POLR3D: variants seen among roughly 807,000 people sequenced by gnomAD.
POLR3D encodes DNA-directed RNA polymerase III subunit RPC4.
In POLR3D, 42 loss-of-function variants were observed where a neutral mutation model predicts 44.5. The ratio of observed to expected loss-of-function variants is 0.94; its 90% CI spans 0.74 to 1.22. POLR3D has a LOEUF of 1.22. Ranked by LOEUF, POLR3D falls within the 50% of genes most tolerant of loss-of-function variation. The pLI is 0.00. For missense variants in POLR3D, 507 were observed against 505.2 expected, an observed-to-expected ratio of 1.00 and a Z score of -0.03; for synonymous variants, 217 against 198.1, an observed-to-expected ratio of 1.10 and a Z score of -0.80.
At chr8:22,248,926 C>A in intron 6 of POLR3D, 118 bp from the exon 7 acceptor site, 1 of 1,165,364 alleles carries the variant, frequency 8.6e-7, no homozygotes, top group Non-Finnish European at 1.2e-6. Flanking sequence ...ATAACTGGTG[C>A]CTCCTTCCCA....
rs1275336196 is a variant in POLR3D, at chr8:22,249,025, A to G, written c.656-19A>G. On this transcript the variant is annotated intron_variant, in intron 6 of 8. Coordinates refer to ENST00000306433, the MANE Select transcript of POLR3D (RefSeq NM_001722.3). The stretch of plus-strand genomic sequence containing the variant: ...GAGGGTGGTCACTTGATAGCATTCC[A>G]TGTCTATCACCCGGGCAGTGAAAGA... 3.7e-6 allele frequency: 6 copies of G among 1,612,688 alleles called. No homozygotes were observed. The highest frequency in any genetic ancestry group is 1.7e-5 in the Admixed American group (1 of 59,930).
chr8:22,250,567 C>A lies in POLR3D; in HGVS notation c.*49C>A. ...CGCCTGTGCCCACGGCTGCTGCCTG[C>A]TCCAGACATTTTGTTCTTGAATCTG... On this transcript the variant is annotated 3_prime_UTR_variant, in exon 9 of 9. Coordinates refer to ENST00000306433, the MANE Select transcript of POLR3D (RefSeq NM_001722.3). 6.2e-7 allele frequency: 1 copy of A among 1,611,414 alleles called. No homozygotes were observed. Among genetic ancestry groups the A allele is most frequent in the Non-Finnish European group, 8.5e-7 (1 of 1,178,406 alleles).
rs1228432059 is a variant in POLR3D at position 22,252,646 on chromosome 8, G to A, written c.*2128G>A. 3.3e-5 allele frequency: 5 copies of A among 152,180 alleles called. No homozygotes were observed. The highest frequency in any genetic ancestry group is 1.2e-4 in the African/African-American group (5 of 41,434). The allele number at this position is 152,180 out of a possible 1,614,324, so 9.4% of individuals were successfully genotyped here. A position where few individuals can be genotyped will look rare whatever the true frequency, so the allele number is the denominator to read the frequency against. On this transcript the variant is annotated 3_prime_UTR_variant, in exon 9 of 9. Coordinates refer to ENST00000306433, the MANE Select transcript of POLR3D (RefSeq NM_001722.3). ...TCCACCTTCTTGGTCAGGCCCCTGA[G>A]GCATGCATTTCTACCAAGGAATATG...
chr8:22,247,194 T>G lies in POLR3D; in HGVS notation c.166-27T>G, dbSNP rs370360179. ...TACTTTGGGGTCAGAACCTAACACA[T>G]CAGTGACTCCTGTATTTTGCTTTCA... On this transcript the variant is annotated intron_variant, in intron 2 of 8. Transcript: ENST00000306433. 30 of 1,593,512 alleles carry G rather than the reference T, an allele frequency of 1.9e-5. No homozygotes were observed. In the African/African-American group the frequency reaches 3.8e-4, roughly 20 times the overall value.
In POLR3D at chr8:22,252,948, T is replaced by A. The variant is rs1231735127; in HGVS notation, c.*2430T>A. ...TTATTTATTTTATTTTATGTAAGAG[T>A]GAGACAGTAGTAGCTTAATAGGGTT... On this transcript the variant is annotated 3_prime_UTR_variant, in exon 9 of 9. Transcript: ENST00000306433. The A allele has an allele frequency of 6.6e-6, 1 of 152,100 alleles. No homozygotes were observed. The highest frequency in any genetic ancestry group is 2.4e-5 in the African/African-American group (1 of 41,414). The allele number at this position is 152,100 out of a possible 1,614,324, so 9.4% of individuals were successfully genotyped here.
chr8:22,245,571 C>T lies in POLR3D; in HGVS notation c.122C>T (p.Pro41Leu). 1 of 1,261,588 alleles carries T rather than the reference C, an allele frequency of 7.9e-7. No homozygotes were observed. The highest frequency in any genetic ancestry group is 1.0e-6 in the Non-Finnish European group (1 of 995,106). 78.1% of individuals were successfully genotyped at this position (1,261,588 alleles called of 1,614,324 possible). A position where few individuals can be genotyped will look rare whatever the true frequency, so the allele number is the denominator to read the frequency against. ...CCTCCCCTCACCCCCGGCCGCCTTC[C>T]CTCCATCCGTTCCAGGGACCTCACC... ...PAPPLTPGRL[P>L]SIRSRDLTLG... The change falls in exon 2 of 9, where the codon CCC becomes CTC. Residue 41 changes from proline to leucine, a missense_variant. Coordinates refer to ENST00000306433, the MANE Select transcript of POLR3D (RefSeq NM_001722.3).
In POLR3D at chr8:22,249,106, A is replaced by G; in HGVS notation, c.718A>G (p.Arg240Gly). The change falls in exon 7 of 9, where the codon AGG becomes GGG. Residue 240 changes from arginine to glycine, a missense_variant. By Grantham distance (125) the Arg-to-Gly change is moderately radical (BLOSUM62 -2). Transcript: ENST00000306433. ...AKMKAPPKAA[R>G]KTPGLPKDVS... ...GATGAAGGCTCCTCCCAAAGCAGCC[A>G]GGAAGACTCCAGGCCTCCCGAAGGA... 1 of 1,613,982 alleles carries G rather than the reference A, an allele frequency of 6.2e-7. No homozygotes were observed. Among genetic ancestry groups the G allele is most frequent in the African/African-American group, 1.3e-5 (1 of 75,010 alleles).
At position 22,248,792 on chromosome 8, in the gene POLR3D, A is replaced by G. The variant is rs146584601; in HGVS notation, c.655+143A>G. The G allele has an allele frequency of 1.8e-4, 158 of 902,032 alleles. 4 individuals carry two copies. In the Middle Eastern group the frequency reaches 2.1e-3, roughly 12 times the overall value. 55.9% of individuals were successfully genotyped at this position (902,032 alleles called of 1,614,324 possible). A position where few individuals can be genotyped will look rare whatever the true frequency, so the allele number is the denominator to read the frequency against. On this transcript the variant is annotated intron_variant, in intron 6 of 8. Transcript: ENST00000306433. ...CGGCTGTAAGATACATGAGCTGAAC[A>G]AAGATGCTCCATTCTCCCTCGCAGA...
intron 4 of POLR3D, 45 bp from the exon 5 acceptor site, chr8:22,248,109 G>A (rs201785323): frequency 2.4e-5 from 38 of 1,610,814 alleles, no homozygotes; most frequent in African/African-American, 6.7e-5. Context: ...TTGCTGTTGG[G>A]CATCTTCCTT....
chr8:22,250,787 C>A lies in POLR3D; in HGVS notation c.*269C>A. The stretch of plus-strand genomic sequence containing the variant: ...TGTATTTATGTCTTAATCTCTTCCA[C>A]TGATGCATCCTCCAAGGGTAGATGG... On this transcript the variant is annotated 3_prime_UTR_variant, in exon 9 of 9. Coordinates refer to ENST00000306433, the MANE Select transcript of POLR3D (RefSeq NM_001722.3). The A allele has an allele frequency of 2.3e-6, 1 of 435,522 alleles. No homozygotes were observed. Among genetic ancestry groups the A allele is most frequent in the Non-Finnish European group, 4.3e-6 (1 of 232,726 alleles). 27.0% of individuals were successfully genotyped at this position (435,522 alleles called of 1,614,324 possible).
chr8:22,253,503 T>C lies in POLR3D; in HGVS notation c.*2985T>C, dbSNP rs1181124501. 2 of 152,210 alleles carry C rather than the reference T, an allele frequency of 1.3e-5. No homozygotes were observed. The highest frequency in any genetic ancestry group is 4.8e-5 in the African/African-American group (2 of 41,452). The allele number at this position is 152,210 out of a possible 1,614,324, so 9.4% of individuals were successfully genotyped here. ...GAGTGGCAGTTGGATAGACAATTCA[T>C]AGTAGCTGCTGCCATGTTCAAAAAA... On this transcript the variant is annotated 3_prime_UTR_variant, in exon 9 of 9. Coordinates refer to ENST00000306433, the MANE Select transcript of POLR3D (RefSeq NM_001722.3).
chr8:22,250,822 G>A lies in POLR3D; in HGVS notation c.*304G>A. The A allele has an allele frequency of 2.7e-6, 1 of 367,504 alleles. No individual in the cohort carries two copies. The allele number at this position is 367,504 out of a possible 1,614,324, so 22.8% of individuals were successfully genotyped here. A position where few individuals can be genotyped will look rare whatever the true frequency, so the allele number is the denominator to read the frequency against. On this transcript the variant is annotated 3_prime_UTR_variant, in exon 9 of 9. Coordinates refer to ENST00000306433, the MANE Select transcript of POLR3D (RefSeq NM_001722.3). ...CTCCAAGGGTAGATGGGGAGGGTCT[G>A]TGTGAAGGGGCCGGCTTCTCTTGGT...
chr8:22,247,856 G>A lies in POLR3D; in HGVS notation c.210-1G>A, dbSNP rs1298836376. The stretch of plus-strand genomic sequence containing the variant: ...TTCCCTTAATCCATTCTTTTTTCCA[G>A]GCCCAAGGAAGAAGTAACTGTCAAG... On this transcript the variant is annotated splice_acceptor_variant, in intron 3 of 8. Transcript: ENST00000306433. LOFTEE classifies it high-confidence loss of function. 5.6e-6 allele frequency: 9 copies of A among 1,610,890 alleles called. No individual in the cohort carries two copies. In the East Asian group the frequency reaches 2.0e-4, roughly 36 times the overall value.
intron 3 of POLR3D, 80 bp downstream of exon 3, chr8:22,247,344 T>A: frequency 9.5e-7 from 1 of 1,048,466 alleles, no homozygotes; most frequent in South Asian, 1.4e-5. Flanking sequence ...TAACTAGGTT[T>A]GTAGCTCCAA....
Position 22,245,426 on chromosome 8 carries a change from G to A in POLR3D, c.-5-19G>A. 4.6e-6 allele frequency: 6 copies of A among 1,309,360 alleles called. No individual in the cohort carries two copies. Among genetic ancestry groups the A allele is most frequent in the Non-Finnish European group, 4.9e-6 (5 of 1,021,628 alleles). 81.1% of individuals were successfully genotyped at this position (1,309,360 alleles called of 1,614,324 possible). On this transcript the variant is annotated intron_variant, in intron 1 of 8. Coordinates refer to ENST00000306433, the MANE Select transcript of POLR3D (RefSeq NM_001722.3). ...CGTGTCAGTCCCCTCTGGTGATCTC[G>A]TCGCCCCTTCTCTCCCAGGCAACAT...
In POLR3D at chr8:22,245,456, G is replaced by A; in HGVS notation, c.7G>A (p.Glu3Lys). Residue 3 changes from glutamate to lysine, a missense_variant, in exon 2 of 9, where the codon GAA becomes AAA. Glu to Lys is a moderately conservative substitution (Grantham distance 56). Coordinates refer to ENST00000306433, the MANE Select transcript of POLR3D (RefSeq NM_001722.3). ...CCCTTCTCTCCCAGGCAACATGTCG[G>A]AAGGAAACGCCGCCGGCGAGCCCAG... MS[E>K]GNAAGEPSTP... The A allele has an allele frequency of 7.6e-7, 1 of 1,309,308 alleles. No homozygotes were observed. 81.1% of individuals were successfully genotyped at this position (1,309,308 alleles called of 1,614,324 possible). A position where few individuals can be genotyped will look rare whatever the true frequency, so the allele number is the denominator to read the frequency against.
At chr8:22,249,399 G>A (rs1830077707) in intron 7 of POLR3D, 90 bp downstream of exon 7, 5 of 1,389,174 alleles carry the variant, frequency 3.6e-6, no homozygotes, top group Non-Finnish European at 5.0e-6. Context: ...GTGTCACCCT[G>A]GCTGAAATGG....
At chr8:22,247,373 T>C (rs1281705738) in intron 3 of POLR3D, 109 bp downstream of exon 3, 15 of 791,148 alleles carry the variant, frequency 1.9e-5, no homozygotes, top group Non-Finnish European at 3.0e-5. Flanking sequence ...TTTATATCTT[T>C]AGTTCTTTTC....
In POLR3D at chr8:22,248,563, A is replaced by C. The variant is rs770717128; in HGVS notation, c.569A>C (p.Lys190Thr). 2.5e-6 allele frequency: 4 copies of C among 1,614,182 alleles called. No homozygotes were observed. Among genetic ancestry groups the C allele is most frequent in the South Asian group, 1.1e-5 (1 of 91,090 alleles). Reference sequence around the variant, plus strand: ...CTGGCTCACTCAGGATGGCTTTTTAAGGAAGAAAATGACGAACCAGATGTT... The same window carrying C: ...CTGGCTCACTCAGGATGGCTTTTTACGGAAGAAAATGACGAACCAGATGTT... ...LPLAHSGWLF[K>T]EENDEPDVKP... The change falls in exon 6 of 9, where the codon AAG becomes ACG. Residue 190 changes from lysine (K) to threonine (T), a missense_variant. Physicochemically the swap from Lys to Thr is moderately conservative, Grantham distance 78. Transcript: ENST00000306433.
Sources: gnomAD v4.1 joint callset for allele counts on GRCh38, gnomAD v4.1.1 for gene constraint, MANE v1.5 for transcripts, NCBI Gene and HGNC (gene_info 2026-07-23, HGNC 2026-07-21) for gene names.